Variants in KLHL1 observed in about 807,000 individuals in gnomAD.
KLHL1 encodes kelch like family member 1, also known as kelch-like protein 1.
Under a neutral mutation model 77.7 loss-of-function variants are expected in KLHL1, and 47 were observed. That is an observed-to-expected ratio of 0.60 (90% CI 0.48 to 0.77). The LOEUF is 0.77. KLHL1 is among the 30% of genes least tolerant of loss of function. The pLI is 0.00. For synonymous variants in KLHL1, 360 were observed against 325.2 expected, an observed-to-expected ratio of 1.11 and a Z score of -1.15; for missense variants, 925 against 910.8, an observed-to-expected ratio of 1.02 and a Z score of -0.20.
chr13:69,757,510 T>C, intron 7 of KLHL1, among the ~76,000 whole-genome samples: 1 of 152,182 alleles, frequency 6.6e-6, no homozygotes, highest in East Asian at 1.9e-4. Flanking sequence ...ATATGAATGT[T>C]TATTATTTCT....
rs200895908 is a variant in KLHL1, at chr13:70,011,101, A to G, written c.498-35299T>C. Among the ~76,000 whole-genome samples, 11 of 152,176 alleles carry G rather than the reference A, an allele frequency of 7.2e-5. No individual in the cohort carries two copies. The East Asian group carries it at 1.9e-3, about 27-fold the overall frequency. On this transcript the variant is annotated intron_variant, in intron 1 of 10. Coordinates refer to ENST00000377844, the MANE Select transcript of KLHL1 (RefSeq NM_020866.3). ...AATTGTCATTGGGTCAGATCACCCAATGACTACCTGTACCAAAAGTAAAAT... is the reference window on the plus strand; with the variant it reads ...AATTGTCATTGGGTCAGATCACCCAGTGACTACCTGTACCAAAAGTAAAAT...
chr13:70,064,882 G>A (rs1232729513), intron 1 of KLHL1, among the ~76,000 whole-genome samples: 1 of 152,146 alleles, frequency 6.6e-6, no homozygotes, highest in Non-Finnish European at 1.5e-5. Flanking sequence ...ATGTGTACAT[G>A]TATGAAACTA....
chr13:69,813,592 T>G (rs548012410), intron 6 of KLHL1, among the ~76,000 whole-genome samples: 1 of 151,832 alleles, frequency 6.6e-6, no homozygotes, highest in East Asian at 1.9e-4. Flanking sequence ...TAAGTGGCAT[T>G]TCTATATACA....
chr13:69,992,548 G>A (rs534581100), intron 1 of KLHL1, among the ~76,000 whole-genome samples: 5 of 152,004 alleles, frequency 3.3e-5, no homozygotes, highest in Non-Finnish European at 5.9e-5. Flanking sequence ...CTTTGTAGAT[G>A]AGGAGACCAA....
At chr13:69,901,991 G>A (rs889678975) in intron 4 of KLHL1, among the ~76,000 whole-genome samples, 3 of 151,820 alleles carry the variant, frequency 2.0e-5, no homozygotes, top group African/African-American at 7.3e-5. Flanking sequence ...GCAGAGACAG[G>A]GTTTCTCCAT....
chr13:70,085,026 A>G (rs9572356), intron 1 of KLHL1, among the ~76,000 whole-genome samples: 17,639 of 152,078 alleles, frequency 0.12, 1,520 homozygotes, highest in African/African-American at 0.23. Context: ...CATTGATGAC[A>G]TGAATATGGT....
At chr13:69,745,287 T>C (rs1430031156) in intron 7 of KLHL1, among the ~76,000 whole-genome samples, 2 of 141,390 alleles carry the variant, frequency 1.4e-5, no homozygotes, top group African/African-American at 5.3e-5. Flanking sequence ...ACCTCTTCAT[T>C]TTTAATTGGA....
intron 3 of KLHL1, among the ~76,000 whole-genome samples, chr13:69,956,827 T>C (rs1334180612): frequency 2.0e-5 from 3 of 151,684 alleles, no homozygotes; most frequent in Admixed American, 6.6e-5. Flanking sequence ...TTATTTGAAA[T>C]ATGAAATATG....
At chr13:69,838,335 T>G (rs988839860) in intron 6 of KLHL1, among the ~76,000 whole-genome samples, 3 of 151,788 alleles carry the variant, frequency 2.0e-5, no homozygotes, top group Admixed American at 6.6e-5. Context: ...TTGCATATTA[T>G]TTTTCTTGTG....
chr13:69,769,680 C>A (rs1875470628), intron 7 of KLHL1, among the ~76,000 whole-genome samples: 1 of 152,150 alleles, frequency 6.6e-6, no homozygotes, highest in African/African-American at 2.4e-5. Flanking sequence ...GCCCAGGACT[C>A]AGCCACACAC....
At chr13:70,060,737 T>C (rs563706310) in intron 1 of KLHL1, among the ~76,000 whole-genome samples, 15 of 152,024 alleles carry the variant, frequency 9.9e-5, no homozygotes, top group African/African-American at 1.4e-4. Context: ...TCCCAGCTAC[T>C]TGGGAGGCTG....
At chr13:69,713,988 T>C (rs1352528294) in intron 9 of KLHL1, among the ~76,000 whole-genome samples, 1 of 152,134 alleles carries the variant, frequency 6.6e-6, no homozygotes, top group East Asian at 1.9e-4. Flanking sequence ...TTCAGGCTCT[T>C]ATGCTGATGA....
intron 6 of KLHL1, among the ~76,000 whole-genome samples, chr13:69,816,998 A>T (rs189114639): frequency 0.012 from 1,853 of 151,802 alleles, 28 homozygotes; most frequent in Non-Finnish European, 0.018. Flanking sequence ...AAATATAATA[A>T]AAAAAGCTTT....
At position 70,056,752 on chromosome 13, in the gene KLHL1, A is replaced by C. The variant is rs533549498; in HGVS notation, c.497+50451T>G. 2.6e-5 allele frequency among the ~76,000 whole-genome samples: 4 copies of C among 152,284 alleles called. No homozygotes were observed. In the South Asian group the frequency reaches 8.3e-4, roughly 32 times the overall value. ...GGTTAATGAGGAAATTAAGAGAGAA[A>C]TTTTTTAAATTTCATGAAACAAATG... is the stretch of plus-strand genomic sequence containing the variant. On this transcript the variant is annotated intron_variant, in intron 1 of 10. Coordinates refer to ENST00000377844, the MANE Select transcript of KLHL1 (RefSeq NM_020866.3).
chr13:69,749,375 C>CATG (rs768151317), intron 7 of KLHL1, among the ~76,000 whole-genome samples: 23 of 151,998 alleles, frequency 1.5e-4, no homozygotes, highest in Non-Finnish European at 3.2e-4. Context: ...TTAATAATTA[C>CATG]ATGATGACTT....
At chr13:69,812,956 C>G (rs1307650475) in intron 6 of KLHL1, among the ~76,000 whole-genome samples, 3 of 146,766 alleles carry the variant, frequency 2.0e-5, no homozygotes. Context: ...CCATTTGACC[C>G]AGCCATCCCA....
chr13:69,707,554 C>A (rs1875679338), intron 10 of KLHL1, 71 bp downstream of exon 10: 2 of 1,416,040 alleles, frequency 1.4e-6, no homozygotes, highest in South Asian at 1.4e-5. Flanking sequence ...TGTTTGTATA[C>A]CCCTCCTCCA....
chr13:69,802,666 G>A (rs986837648), intron 6 of KLHL1, among the ~76,000 whole-genome samples: 5 of 141,572 alleles, frequency 3.5e-5, no homozygotes, highest in Non-Finnish European at 7.8e-5. Context: ...AATTACCGGT[G>A]CATGCAGCCC....
intron 1 of KLHL1, among the ~76,000 whole-genome samples, chr13:70,012,735 C>A (rs1885565414): frequency 6.6e-6 from 1 of 151,758 alleles, no homozygotes; most frequent in East Asian, 1.9e-4. Context: ...ATGGTGAAAC[C>A]CCGTCTCTAC....
Sources: gnomAD v4.1 joint callset for allele counts (sites outside exome capture counted in the v4.1 genomes callset) on GRCh38, gnomAD v4.1.1 for gene constraint, MANE v1.5 for transcripts, NCBI Gene and HGNC (gene_info 2026-07-23, HGNC 2026-07-21) for gene names.